Variants in TENM2 observed in about 807,000 individuals in gnomAD.
TENM2 encodes the protein teneurin transmembrane protein 2.
TENM2 carries 52 observed loss-of-function variants against 245.2 expected under a neutral mutation model. The ratio of observed to expected loss-of-function variants is 0.21; its 90% confidence interval spans 0.17 to 0.27. The LOEUF (loss-of-function observed/expected upper bound fraction) is 0.27. Among genes scored for constraint, TENM2 ranks in the 10% least tolerant of loss-of-function variants. The probability of loss-of-function intolerance (pLI) is 1.00; values close to 1 mark genes in which losing one functional copy is unlikely to be tolerated. For synonymous variants in TENM2, 1,363 were observed against 1,438.9 expected (o/e 0.95, Z 1.19); for missense variants, 3,046 against 3,666.8 (o/e 0.83, Z 4.37).
the TENM2 span, among the ~76,000 whole-genome samples, chr5:167,193,432 C>T: frequency 6.7e-6 from 1 of 148,470 alleles, no homozygotes; most frequent in East Asian, 2.1e-4. Context: ...AGTGGAGACT[C>T]TGAGTTCTTT....
At chr5:167,557,861 A>C (rs1773350836) in intron 2 of TENM2, among the ~76,000 whole-genome samples, 1 of 152,232 alleles carries the variant, frequency 6.6e-6, no homozygotes, top group South Asian at 2.1e-4. Flanking sequence ...GAGGTTGAAA[A>C]AAATCTTGAT....
chr5:168,169,397 G>A (rs1758598422), intron 13 of TENM2, among the ~76,000 whole-genome samples: 3 of 152,152 alleles, frequency 2.0e-5, no homozygotes, highest in Admixed American at 2.0e-4. Flanking sequence ...GGCTGCCTTG[G>A]GTTAAGAGAC....
chr5:167,963,354 T>C (rs1171104169), intron 4 of TENM2, among the ~76,000 whole-genome samples: 1 of 152,230 alleles, frequency 6.6e-6, no homozygotes, highest in Non-Finnish European at 1.5e-5. Context: ...GGTGTCAATT[T>C]CTTAGCCATG....
chr5:167,164,804 T>A, the TENM2 span: 1 of 152,202 alleles, frequency 6.6e-6, no homozygotes, highest in South Asian at 2.1e-4. Context: ...CCGACTTAAA[T>A]TAGATTTGTC....
upstream of TENM2, among the ~76,000 whole-genome samples, chr5:167,282,375 T>A (rs186588787): frequency 1.4e-4 from 21 of 152,320 alleles, no homozygotes; most frequent in East Asian, 4.1e-3. Flanking sequence ...ACTGTGAGTT[T>A]CAGGGATTTA....
In TENM2 at chr5:168,247,387, C is replaced by T. The variant is rs537368819; in HGVS notation, c.6448C>T (p.Leu2150Phe). Residue 2150 changes from leucine to phenylalanine, a missense_variant, in exon 27 of 29, where the codon CTC becomes TTC. Leu to Phe is a conservative substitution (Grantham distance 22, BLOSUM62 0). This residue lies in a region of TENM2 where 2,704 missense variants were observed against 3,331.9 expected (regional missense o/e 0.81). Coordinates refer to ENST00000518659, the Ensembl canonical transcript of TENM2. The surrounding 1 kb of genome is among the most constrained non-coding windows in gnomAD (Gnocchi z 7.8). ...GATCATCACCACTGCCGTGATGACC[C>T]TCAGCAAACACTTCGACACCCATGG... is the stretch of plus-strand genomic sequence containing the variant. 3 of 1,613,950 alleles carry T rather than the reference C, an allele frequency of 1.9e-6. No homozygotes were observed. The highest frequency in any genetic ancestry group is 2.2e-5 in the East Asian group (1 of 44,870).
chr5:167,617,913 A>C (rs949294865), intron 2 of TENM2, among the ~76,000 whole-genome samples: 6 of 152,288 alleles, frequency 3.9e-5, no homozygotes, highest in Admixed American at 2.0e-4. Flanking sequence ...GTACCTTAGC[A>C]AGATGGGACC....
chr5:168,215,308 T>C (rs776781898), intron 21 of TENM2, 36 bp downstream of exon 23: 1 of 1,573,028 alleles, frequency 6.4e-7, no homozygotes, highest in Non-Finnish European at 8.7e-7. Context: ...CCGCCCCAGA[T>C]AAAGCTTTGC....
chr5:167,924,318 A>G (rs958291955), intron 3 of TENM2, among the ~76,000 whole-genome samples: 5 of 152,154 alleles, frequency 3.3e-5, no homozygotes, highest in Admixed American at 6.5e-5. Context: ...GCTCTGATCC[A>G]TTTCTGTCCA....
At chr5:167,307,320 T>C (rs1755738051) in intron 1 of TENM2, among the ~76,000 whole-genome samples, 1 of 152,156 alleles carries the variant, frequency 6.6e-6, no homozygotes, top group South Asian at 2.1e-4. Flanking sequence ...GTGTGGCCAG[T>C]GTCACTCCCA....
intron 3 of TENM2, among the ~76,000 whole-genome samples, chr5:167,907,524 AAT>A (rs56159044): frequency 0.023 from 1,780 of 77,542 alleles, 13 homozygotes; most frequent in Middle Eastern, 0.037. Flanking sequence ...GATCACCCTA[AAT>A]ATATATATAT....
At chr5:167,510,074 G>A (rs547913968) in intron 2 of TENM2, among the ~76,000 whole-genome samples, 7 of 152,164 alleles carry the variant, frequency 4.6e-5, no homozygotes, top group South Asian at 4.2e-4. Context: ...GATTTGCATC[G>A]GGAGCCTAGC....
intron 2 of TENM2, among the ~76,000 whole-genome samples, chr5:167,863,810 C>T (rs1772059714): frequency 6.6e-6 from 1 of 152,106 alleles, no homozygotes; most frequent in South Asian, 2.1e-4. Context: ...AACTCCTAGC[C>T]CAGTACTCTT....
intron 7 of TENM2, among the ~76,000 whole-genome samples, chr5:168,082,592 A>G: frequency 6.6e-6 from 1 of 152,132 alleles, no homozygotes; most frequent in Non-Finnish European, 1.5e-5. Context: ...TGATGGTGAC[A>G]TGCAGATGGG....
chr5:167,330,018 A>C (rs1757346777), intron 1 of TENM2, among the ~76,000 whole-genome samples: 1 of 152,156 alleles, frequency 6.6e-6, no homozygotes, highest in African/African-American at 2.4e-5. Context: ...AATGTTTTTC[A>C]GGAGCAAGTT....
At chr5:167,070,351 G>A in the TENM2 span, among the ~76,000 whole-genome samples, 12 of 140,562 alleles carry the variant, frequency 8.5e-5, no homozygotes, top group Non-Finnish European at 1.5e-4. Flanking sequence ...GGATGGTCTC[G>A]GTCTCCTGAC....
intron 7 of TENM2, among the ~76,000 whole-genome samples, chr5:168,064,436 A>G (rs1790320466): frequency 6.6e-6 from 1 of 152,122 alleles, no homozygotes; most frequent in Non-Finnish European, 1.5e-5. Context: ...TGCATGCTCC[A>G]GGAAACCAGA....
chr5:167,478,646 A>G lies in TENM2; in HGVS notation c.502+103173A>G, dbSNP rs73801232. Among the ~76,000 whole-genome samples, 266 of 152,326 alleles carry G rather than the reference A, an allele frequency of 1.7e-3. 1 individual carries two copies. The highest frequency in any genetic ancestry group is 5.3e-3 in the African/African-American group (222 of 41,580). On this transcript the variant is annotated intron_variant, in intron 2 of 28. Transcript: ENST00000518659. Reference sequence around the variant, plus strand: ...TATTTTAATGATGTCCATTCCATCAATGAGAAGCTGGCATGGCCACTGTTT... The same window carrying G: ...TATTTTAATGATGTCCATTCCATCAGTGAGAAGCTGGCATGGCCACTGTTT...
At chr5:167,144,648 C>T in the TENM2 span, among the ~76,000 whole-genome samples, 1 of 152,156 alleles carries the variant, frequency 6.6e-6, no homozygotes, top group Admixed American at 6.5e-5. Flanking sequence ...TCTATTTCCT[C>T]TTCCTTTTGG....
Sources: allele counts gnomAD v4.1 joint callset (sites outside exome capture counted in the v4.1 genomes callset), GRCh38; gene constraint gnomAD v4.1.1; regional missense constraint gnomAD v4.1.1; non-coding constraint Gnocchi (gnomAD v3.1); transcripts MANE v1.5; gene names NCBI Gene and HGNC (gene_info 2026-07-23, HGNC 2026-07-21).